The following MYLK4 variants were observed in gnomAD, a reference collection of about 807,000 sequenced individuals.
MYLK4 encodes the protein caMLCK like.
A neutral mutation model predicts 48.1 loss-of-function variants in MYLK4; 46 were observed. The ratio of observed to expected loss-of-function variants is 0.96; its 90% confidence interval spans 0.75 to 1.22. The LOEUF (loss-of-function observed/expected upper bound fraction) is 1.22, where lower values mean the gene tolerates loss of function less well. Ranked by LOEUF, MYLK4 falls within the 50% of genes most tolerant of loss-of-function variation. The pLI is 0.00. For missense variants in MYLK4, 451 were observed against 486.1 expected (o/e 0.93, Z 0.68); for synonymous variants, 170 against 180.8 (o/e 0.94, Z 0.48).
the MYLK4 span, among the ~76,000 whole-genome samples, chr6:2,762,834 C>CT: frequency 2.0e-5 from 3 of 152,312 alleles, no homozygotes; most frequent in Admixed American, 2.0e-4. Context: ...GTCAGCATCT[C>CT]TTAAGTTAGC....
At chr6:2,722,456 A>C (rs1194664593) in intron 2 of MYLK4, among the ~76,000 whole-genome samples, 2 of 152,048 alleles carry the variant, frequency 1.3e-5, no homozygotes, top group African/African-American at 4.8e-5. Flanking sequence ...TATTTAACCA[A>C]AAATTATAAT....
chr6:2,765,574 G>A, the MYLK4 span: 2 of 1,420,794 alleles, frequency 1.4e-6, no homozygotes, highest in East Asian at 3.1e-5. Context: ...CTCCGCGTGC[G>A]CACGGGTTGC....
At chr6:2,708,541 A>T (rs577890508) in intron 2 of MYLK4, among the ~76,000 whole-genome samples, 2 of 152,344 alleles carry the variant, frequency 1.3e-5, no homozygotes, top group African/African-American at 4.8e-5. Context: ...CTTTGACTTA[A>T]ACTGTTAGTC....
intron 6 of MYLK4, among the ~76,000 whole-genome samples, chr6:2,684,972 T>C (rs2113136348): frequency 6.6e-6 from 1 of 152,350 alleles, no homozygotes; most frequent in Admixed American, 6.5e-5. Context: ...TTAGTGAATA[T>C]GTTGAAAGTA....
the MYLK4 span, among the ~76,000 whole-genome samples, chr6:2,760,719 A>T: frequency 6.6e-6 from 1 of 152,226 alleles, no homozygotes; most frequent in Non-Finnish European, 1.5e-5. Context: ...CCAAGTATGA[A>T]ATAAATTAAC....
chr6:2,718,079 C>A (rs542125819), intron 2 of MYLK4, among the ~76,000 whole-genome samples: 9 of 151,464 alleles, frequency 5.9e-5, no homozygotes, highest in Non-Finnish European at 1.2e-4. Context: ...ACTACGGAGG[C>A]TGAGGCAGGA....
At chr6:2,689,912 T>C (rs1400962450) in intron 3 of MYLK4, among the ~76,000 whole-genome samples, 1 of 152,244 alleles carries the variant, frequency 6.6e-6, no homozygotes, top group African/African-American at 2.4e-5. Context: ...GGAATCTGAT[T>C]TGATATGGAC....
intron 2 of MYLK4, among the ~76,000 whole-genome samples, chr6:2,707,820 C>A (rs1332752529): frequency 6.6e-6 from 1 of 151,844 alleles, no homozygotes; most frequent in Non-Finnish European, 1.5e-5. Flanking sequence ...CAAAAAAAAT[C>A]AACAAATCAA....
Position 2,723,952 on chromosome 6 carries a change from C to T in MYLK4, c.159+25184G>A, listed in dbSNP as rs138403936. Among the ~76,000 whole-genome samples, 1,287 of 152,282 alleles carry T rather than the reference C, an allele frequency of 8.5e-3. 9 individuals carry two copies. The highest frequency in any genetic ancestry group is 0.023 in the African/African-American group (964 of 41,522). On this transcript the variant is annotated intron_variant, in intron 2 of 12. Coordinates refer to ENST00000274643, the MANE Select transcript of MYLK4 (RefSeq NM_001012418.5). ...AGGGCAGTGGCGTGATCTCGGCTCACGGCAACCTCCGCCTCCCAGGCTCAA... is the reference window on the plus strand; with the variant it reads ...AGGGCAGTGGCGTGATCTCGGCTCATGGCAACCTCCGCCTCCCAGGCTCAA...
At chr6:2,677,779 G>C (rs533309241) in intron 10 of MYLK4, among the ~76,000 whole-genome samples, 4 of 152,182 alleles carry the variant, frequency 2.6e-5, no homozygotes, top group African/African-American at 9.7e-5. Flanking sequence ...CATGGAGTTG[G>C]GGTCAGGGGT....
At chr6:2,741,710 C>T (rs988710565) in intron 2 of MYLK4, among the ~76,000 whole-genome samples, 1 of 151,742 alleles carries the variant, frequency 6.6e-6, no homozygotes, top group African/African-American at 2.4e-5. Flanking sequence ...ATAAGAAAAG[C>T]TATGAGGACA....
At chr6:2,734,695 C>T (rs1331067603) in intron 2 of MYLK4, among the ~76,000 whole-genome samples, 2 of 152,070 alleles carry the variant, frequency 1.3e-5, no homozygotes, top group East Asian at 1.9e-4. Flanking sequence ...ATGTAATATG[C>T]ATATGAATAT....
intron 2 of MYLK4, among the ~76,000 whole-genome samples, chr6:2,694,578 CTGGTGGTGGTGGTGG>C (rs74207680): frequency 6.5e-5 from 3 of 46,220 alleles, no homozygotes; most frequent in Non-Finnish European, 1.3e-4. Context: ...GGTAGTGCTG[CTGGTGGTGGTGGTGG>C]TGGTGGTGGT....
At position 2,722,835 on chromosome 6, in the gene MYLK4, AT is replaced by A. The variant is rs537481247; in HGVS notation, c.159+26300del. ...GGATAACGAATATAAAAATACAAAGATTTTTAAGTAAAAATATTTTATACAT... is the reference window on the plus strand; with the variant it reads ...GGATAACGAATATAAAAATACAAAGATTTTAAGTAAAAATATTTTATACAT... On this transcript the variant is annotated intron_variant, in intron 2 of 12. Coordinates refer to ENST00000274643, the MANE Select transcript of MYLK4 (RefSeq NM_001012418.5). Among the ~76,000 whole-genome samples the A allele has an allele frequency of 5.2e-4, 79 of 152,320 alleles. 1 individual carries two copies. Among genetic ancestry groups the A allele is most frequent in the African/African-American group, 1.9e-3 (79 of 41,584 alleles).
chr6:2,764,958 C>T, the MYLK4 span, among the ~76,000 whole-genome samples: 3 of 152,186 alleles, frequency 2.0e-5, no homozygotes, highest in Non-Finnish European at 4.4e-5. Flanking sequence ...GTTTTTTCCC[C>T]CATTTCCCTT....
intron 2 of MYLK4, among the ~76,000 whole-genome samples, chr6:2,714,093 C>T (rs1353609370): frequency 6.6e-6 from 1 of 152,126 alleles, no homozygotes; most frequent in Non-Finnish European, 1.5e-5. Flanking sequence ...TGTGGAAGTT[C>T]CTCAAGAGAC....
chr6:2,698,001 C>T (rs962548367), intron 2 of MYLK4, among the ~76,000 whole-genome samples: 4 of 152,230 alleles, frequency 2.6e-5, no homozygotes, highest in South Asian at 2.1e-4. Context: ...CAGATGCATC[C>T]CTGCCACGGT....
intron 2 of MYLK4, among the ~76,000 whole-genome samples, chr6:2,693,914 T>A (rs762568661): frequency 1.8e-4 from 27 of 152,068 alleles, no homozygotes; most frequent in Non-Finnish European, 3.2e-4. Context: ...TGTACCACCA[T>A]GCCTGGCTAA....
intron 12 of MYLK4, among the ~76,000 whole-genome samples, chr6:2,670,269 G>A (rs1314256045): frequency 2.0e-5 from 3 of 152,198 alleles, no homozygotes; most frequent in Admixed American, 6.5e-5. Context: ...AGGATGCTGA[G>A]GCAGGAGAAT....
Sources: gnomAD v4.1 joint callset for allele counts (sites outside exome capture counted in the v4.1 genomes callset) on GRCh38, gnomAD v4.1.1 for gene constraint, MANE v1.5 for transcripts, NCBI Gene and HGNC (gene_info 2026-07-23, HGNC 2026-07-21) for gene names.